Variants in TAF12 observed in about 807,000 individuals in gnomAD.
TAF12 encodes TATA-box binding protein associated factor 12.
A neutral mutation model predicts 20.8 loss-of-function variants in TAF12; 3 were observed. That is an observed-to-expected ratio of 0.14 (90% CI 0.07 to 0.37). The LOEUF is 0.37. Among genes scored for constraint, TAF12 ranks in the 10% least tolerant of loss-of-function variants. The pLI is 1.00. For synonymous variants in TAF12, 69 were observed against 70.2 expected, an observed-to-expected ratio of 0.98 and a Z score of 0.09; for missense variants, 131 against 197.9, an observed-to-expected ratio of 0.66 and a Z score of 2.03.
At chr1:28,631,823 T>G (rs1667640948) in intron 1 of TAF12, among the ~76,000 whole-genome samples, 1 of 152,102 alleles carries the variant, frequency 6.6e-6, no homozygotes, top group African/African-American at 2.4e-5. Flanking sequence ...AGCTAAAATT[T>G]AAAAACAAAA....
chr1:28,645,826 G>A (rs370071292), upstream of TAF12, among the ~76,000 whole-genome samples: 9 of 152,122 alleles, frequency 5.9e-5, no homozygotes, highest in South Asian at 1.7e-3. Context: ...AATTAGCCGG[G>A]TGTAGTGGCG....
intron 1 of TAF12, among the ~76,000 whole-genome samples, chr1:28,638,706 G>A (rs1224361204): frequency 6.7e-6 from 1 of 149,058 alleles, no homozygotes; most frequent in East Asian, 2.0e-4. Context: ...GGCTGGTCTC[G>A]AACTCCTGAC....
At chr1:28,617,899 T>C in intron 3 of TAF12, 54 bp downstream of exon 3, 2 of 1,550,546 alleles carry the variant, frequency 1.3e-6, no homozygotes, top group South Asian at 1.1e-5. Flanking sequence ...TCTTAACCAC[T>C]ATGCTATACC....
chr1:28,609,846 G>A (rs1356066380), intron 4 of TAF12, among the ~76,000 whole-genome samples: 2 of 151,966 alleles, frequency 1.3e-5, no homozygotes, highest in Admixed American at 6.6e-5. Flanking sequence ...CCCAAATTGA[G>A]GATATCCATC....
chr1:28,645,366 AGGACT>A (rs1668159723), upstream of TAF12, among the ~76,000 whole-genome samples: 1 of 148,518 alleles, frequency 6.7e-6, no homozygotes, highest in African/African-American at 2.5e-5. Context: ...TTAAGAGATA[AGGACT>A]GGACACCCTG....
intron 1 of TAF12, among the ~76,000 whole-genome samples, chr1:28,622,683 T>G (rs1570315608): frequency 1.3e-5 from 2 of 150,588 alleles, no homozygotes; most frequent in Admixed American, 1.3e-4. Context: ...GAGACAGGAG[T>G]TCAAGACCAG....
intron 4 of TAF12, among the ~76,000 whole-genome samples, chr1:28,606,508 G>A (rs1443588484): frequency 6.6e-6 from 1 of 152,016 alleles, no homozygotes; most frequent in African/African-American, 2.4e-5. Flanking sequence ...ACATCCTCCT[G>A]CCTCAGCCTC....
At position 28,620,058 on chromosome 1, in the gene TAF12, G is replaced by T. The variant is rs563472262; in HGVS notation, c.168+1856C>A. Among the ~76,000 whole-genome samples, 3 of 152,054 alleles carry T rather than the reference G, an allele frequency of 2.0e-5. No individual in the cohort carries two copies. In the South Asian group the frequency reaches 6.2e-4, roughly 32 times the overall value. Reference sequence around the variant, plus strand: ...TTAGGGTGGTGGCATTAGAATTATAGGCTATTTATTCTTTGTGTATTTCTG... The same window carrying T: ...TTAGGGTGGTGGCATTAGAATTATATGCTATTTATTCTTTGTGTATTTCTG... On this transcript the variant is annotated intron_variant, in intron 2 of 5. Coordinates refer to ENST00000373824, the MANE Select transcript of TAF12 (RefSeq NM_005644.4).
intron 4 of TAF12, among the ~76,000 whole-genome samples, chr1:28,608,049 C>T (rs1666724796): frequency 6.6e-6 from 1 of 151,814 alleles, no homozygotes; most frequent in African/African-American, 2.4e-5. Flanking sequence ...ATCCCTTGAA[C>T]AGCCGGGCGT....
chr1:28,627,466 G>T (rs980614454), intron 1 of TAF12, among the ~76,000 whole-genome samples: 15 of 151,202 alleles, frequency 9.9e-5, no homozygotes, highest in African/African-American at 3.6e-4. Context: ...GGCTGAGGCG[G>T]GCGGATCACA....
chr1:28,617,148 T>C (rs1667069756), intron 3 of TAF12, among the ~76,000 whole-genome samples: 1 of 152,048 alleles, frequency 6.6e-6, no homozygotes, highest in South Asian at 2.1e-4. Context: ...ATAAAATTAA[T>C]GGGTCAAAGA....
intron 4 of TAF12, among the ~76,000 whole-genome samples, chr1:28,609,467 T>C (rs1259721951): frequency 6.6e-6 from 1 of 152,024 alleles, no homozygotes; most frequent in African/African-American, 2.4e-5. Context: ...AAGCATTCTA[T>C]GTAAATTATC....
At chr1:28,618,110 T>G (rs1416830699) in intron 2 of TAF12, 80 bp from the exon 3 acceptor site, 1 of 1,379,248 alleles carries the variant, frequency 7.3e-7, no homozygotes, top group African/African-American at 1.4e-5. Flanking sequence ...GAAGAAAGGC[T>G]GTCAAATTGT....
At chr1:28,609,097 A>G (rs369258894) in intron 4 of TAF12, among the ~76,000 whole-genome samples, 15 of 151,952 alleles carry the variant, frequency 9.9e-5, no homozygotes, top group African/African-American at 3.6e-4. Flanking sequence ...ATTTTTTGAG[A>G]CTGAGTTTTG....
rs1668250830 is a variant in TAF12 at position 28,648,258 on chromosome 1, TTG to T, written c.-140_-139del. The T allele has an allele frequency of 4.1e-6, 4 of 985,170 alleles. No individual in the cohort carries two copies. In the African/African-American group the frequency reaches 7.0e-5, roughly 17 times the overall value. The allele number at this position is 985,170 out of a possible 1,614,324, so 61.0% of individuals were successfully genotyped here. On this transcript the variant is annotated 5_prime_UTR_variant, in exon 1 of 6. Coordinates refer to the TAF12 transcript ENST00000685312. Reference sequence around the variant, plus strand: ...ATGAGACGCCTTCTGTCGTGAGCAGTTGACAAGAAAGACCCAGCACTTACTGC... The same window carrying T: ...ATGAGACGCCTTCTGTCGTGAGCAGTACAAGAAAGACCCAGCACTTACTGC...
chr1:28,647,973 T>A (rs1406987808), upstream of TAF12, among the ~76,000 whole-genome samples: 1 of 152,032 alleles, frequency 6.6e-6, no homozygotes, highest in Admixed American at 6.6e-5. Context: ...ATTCTACAAC[T>A]CTTTTCACTC....
Position 28,603,537 on chromosome 1 carries a change from T to C in TAF12, c.*2A>G. ...CTGTCCATTCCCTGACCTTTCCGTGTGTTATTTCTTGGTTGTTTTCCGGAT... is the reference window on the plus strand; with the variant it reads ...CTGTCCATTCCCTGACCTTTCCGTGCGTTATTTCTTGGTTGTTTTCCGGAT... On this transcript the variant is annotated 3_prime_UTR_variant, in exon 6 of 6. Transcript: ENST00000373824. 1 of 1,613,748 alleles carries C rather than the reference T, an allele frequency of 6.2e-7. No homozygotes were observed. The highest frequency in any genetic ancestry group is 8.5e-7 in the Non-Finnish European group (1 of 1,180,000).
intron 3 of TAF12, among the ~76,000 whole-genome samples, chr1:28,613,912 A>T (rs1420710929): frequency 1.3e-5 from 2 of 152,224 alleles, no homozygotes; most frequent in Non-Finnish European, 2.9e-5. Flanking sequence ...GTTCGAGACC[A>T]GCCCAACAAT....
At chr1:28,619,200 C>A (rs1019186884) in intron 2 of TAF12, among the ~76,000 whole-genome samples, 3 of 149,558 alleles carry the variant, frequency 2.0e-5, no homozygotes, top group East Asian at 3.9e-4. Flanking sequence ...TTAAAAAAAA[C>A]ATCTACAAAA....
Sources: allele counts gnomAD v4.1 joint callset (sites outside exome capture counted in the v4.1 genomes callset), GRCh38; gene constraint gnomAD v4.1.1; transcripts MANE v1.5; gene names NCBI Gene and HGNC (gene_info 2026-07-23, HGNC 2026-07-21).